The following OPCML variants were observed in gnomAD, a reference collection of about 807,000 sequenced individuals.
OPCML encodes the protein opioid binding protein/cell adhesion molecule like.
OPCML carries 13 observed loss-of-function variants against 37.8 expected under a neutral mutation model. That is an observed-to-expected ratio of 0.34 (90% CI 0.22 to 0.55). The LOEUF (loss-of-function observed/expected upper bound fraction) is 0.55. Among genes scored for constraint, OPCML ranks in the 20% least tolerant of loss-of-function variants. The pLI, the probability that OPCML is intolerant of heterozygous loss-of-function variation, is 0.91. For synonymous variants in OPCML, 176 were observed against 168.8 expected, an observed-to-expected ratio of 1.04 and a Z score of -0.33; for missense variants, 341 against 435.6, an observed-to-expected ratio of 0.78 and a Z score of 1.93.
At chr11:132,998,800 T>G (rs138935892) in intron 1 of OPCML, among the ~76,000 whole-genome samples, 54 of 152,268 alleles carry the variant, frequency 3.5e-4, no homozygotes, top group African/African-American at 1.2e-3. Context: ...AGTGACAAAA[T>G]GCCATCTATG....
Position 133,363,427 on chromosome 11 carries a change from C to A in OPCML, c.61+168837G>T, listed in dbSNP as rs570434954. 5.3e-5 allele frequency among the ~76,000 whole-genome samples: 8 copies of A among 152,294 alleles called. No homozygotes were observed. In the South Asian group the frequency reaches 1.5e-3, roughly 28 times the overall value. Reference sequence around the variant, plus strand: ...AAGCCTACCTTGTTTAGGATAAATTCTCCTTATGTGAGAAAATGGGATCCC... The same window carrying A: ...AAGCCTACCTTGTTTAGGATAAATTATCCTTATGTGAGAAAATGGGATCCC... On this transcript the variant is annotated intron_variant, in intron 1 of 7. Coordinates refer to ENST00000524381, the MANE Select transcript of OPCML (RefSeq NM_001012393.5).
At position 133,426,679 on chromosome 11, in the gene OPCML, A is replaced by G. The variant is rs561859101; in HGVS notation, c.61+105585T>C. On this transcript the variant is annotated intron_variant, in intron 1 of 7. Transcript: ENST00000524381. The stretch of plus-strand genomic sequence containing the variant: ...GCTTAGCAAAGGCTGTCATCAGGAA[A>G]GAAACACAGCGAGAGAGCAGACGCC... 5.9e-5 allele frequency among the ~76,000 whole-genome samples: 9 copies of G among 152,326 alleles called. No homozygotes were observed. The East Asian group carries it at 1.7e-3, about 29-fold the overall frequency.
chr11:132,659,780 T>A (rs904246248), intron 2 of OPCML, among the ~76,000 whole-genome samples: 6 of 152,168 alleles, frequency 3.9e-5, no homozygotes, highest in Non-Finnish European at 5.9e-5. Flanking sequence ...CTCCTGATTA[T>A]CTGCTTTCAA....
intron 1 of OPCML, among the ~76,000 whole-genome samples, chr11:133,150,502 G>A (rs1949963814): frequency 6.6e-6 from 1 of 152,180 alleles, no homozygotes; most frequent in Non-Finnish European, 1.5e-5. Flanking sequence ...TGAGCCCATG[G>A]CTGTTGTTTT....
At chr11:133,010,630 C>T (rs190307382) in intron 1 of OPCML, among the ~76,000 whole-genome samples, 112 of 152,128 alleles carry the variant, frequency 7.4e-4, no homozygotes, top group African/African-American at 2.7e-3. Context: ...TAGCCTTATC[C>T]TTTTTAATAT....
intron 2 of OPCML, among the ~76,000 whole-genome samples, chr11:132,818,819 C>G (rs529690918): frequency 6.7e-6 from 1 of 149,004 alleles, no homozygotes; most frequent in Non-Finnish European, 1.5e-5. Flanking sequence ...GGAGATATAC[C>G]TAATGTTAAA....
At chr11:133,513,865 C>G (rs1268221063) in intron 1 of OPCML, among the ~76,000 whole-genome samples, 1 of 152,126 alleles carries the variant, frequency 6.6e-6, no homozygotes, top group African/African-American at 2.4e-5. Context: ...AGCTGCATTA[C>G]AGAGATTAAG....
Position 133,174,027 on chromosome 11 carries a change from G to A in OPCML, c.62-231017C>T, listed in dbSNP as rs1054362704. 2.0e-5 allele frequency among the ~76,000 whole-genome samples: 3 copies of A among 152,234 alleles called. No homozygotes were observed. The highest frequency in any genetic ancestry group is 2.1e-4 in the South Asian group (1 of 4,830). On this transcript the variant is annotated intron_variant, in intron 1 of 7. Coordinates refer to ENST00000524381, the MANE Select transcript of OPCML (RefSeq NM_001012393.5). The surrounding 1 kb of genome is among the most constrained non-coding windows in gnomAD (Gnocchi z 4.6). ...AGCAACGGATGAGCATGGAGAAACG[G>A]CCTGGCAGGCCCTGCACTGCGGCCA... is the stretch of plus-strand genomic sequence containing the variant.
At chr11:132,942,363 A>G (rs954891187) in intron 2 of OPCML, among the ~76,000 whole-genome samples, 2 of 152,218 alleles carry the variant, frequency 1.3e-5, no homozygotes, top group Non-Finnish European at 2.9e-5. Flanking sequence ...CTGCAAAAAT[A>G]AAACTGCTGT....
At chr11:132,713,801 T>C (rs1465152917) in intron 2 of OPCML, among the ~76,000 whole-genome samples, 1 of 152,254 alleles carries the variant, frequency 6.6e-6, no homozygotes, top group Non-Finnish European at 1.5e-5. Context: ...TGCAGGAAGC[T>C]GCCTGTCAGT....
intron 3 of OPCML, among the ~76,000 whole-genome samples, chr11:132,656,856 A>T (rs886383844): frequency 1.7e-4 from 26 of 152,244 alleles, no homozygotes; most frequent in African/African-American, 5.8e-4. Context: ...TACACAACGT[A>T]TTGATGAGAA....
chr11:133,193,326 C>T (rs192073940), intron 1 of OPCML, among the ~76,000 whole-genome samples: 17 of 152,262 alleles, frequency 1.1e-4, no homozygotes, highest in Admixed American at 2.0e-4. Flanking sequence ...AAGCATCTCC[C>T]GCAAAGAACT....
intron 1 of OPCML, among the ~76,000 whole-genome samples, chr11:133,042,087 T>C (rs1352770549): frequency 6.6e-6 from 1 of 152,048 alleles, no homozygotes; most frequent in African/African-American, 2.4e-5. Flanking sequence ...CACTGACTAA[T>C]CACCACCATT....
At chr11:133,185,438 C>G (rs578218785) in intron 1 of OPCML, among the ~76,000 whole-genome samples, 1 of 152,334 alleles carries the variant, frequency 6.6e-6, no homozygotes, top group South Asian at 2.1e-4. Flanking sequence ...CCGCTGCAGG[C>G]TGCAGCCCAT....
chr11:133,087,328 G>C (rs1254842894), intron 1 of OPCML, among the ~76,000 whole-genome samples: 2 of 152,108 alleles, frequency 1.3e-5, no homozygotes, highest in African/African-American at 4.8e-5. Context: ...TACCTGCCTA[G>C]GTTTGTTAGA....
In OPCML at chr11:132,806,101, A is replaced by G. The variant is rs767388515; in HGVS notation, c.146+136825T>C. The stretch of plus-strand genomic sequence containing the variant: ...AGAGAAACCATATAAAAATTTTAAT[A>G]AAAAGAGTTATAGCTAAGAAGTTAA... On this transcript the variant is annotated intron_variant, in intron 2 of 7. Transcript: ENST00000524381. Among the ~76,000 whole-genome samples, 92 of 152,288 alleles carry G rather than the reference A, an allele frequency of 6.0e-4. 1 individual carries two copies. The highest frequency in any genetic ancestry group is 6.8e-3 in the Middle Eastern group (2 of 294).
chr11:132,978,563 C>A (rs1478719269), intron 1 of OPCML, among the ~76,000 whole-genome samples: 1 of 152,108 alleles, frequency 6.6e-6, no homozygotes, highest in Admixed American at 6.5e-5. Flanking sequence ...CGGGGGTCTG[C>A]AAGGTGTGGC....
intron 1 of OPCML, among the ~76,000 whole-genome samples, chr11:133,383,485 CT>C (rs1944975555): frequency 1.3e-5 from 2 of 152,292 alleles, no homozygotes; most frequent in East Asian, 3.9e-4. Flanking sequence ...ACGAACTCCC[CT>C]CTTACTGTAA....
chr11:133,451,078 A>G (rs1457712422), intron 1 of OPCML, among the ~76,000 whole-genome samples: 1 of 151,538 alleles, frequency 6.6e-6, no homozygotes, highest in African/African-American at 2.4e-5. Context: ...CTAACGGGGG[A>G]AAAGGGAGAC....
Sources: allele counts gnomAD v4.1 joint callset (sites outside exome capture counted in the v4.1 genomes callset), GRCh38; gene constraint gnomAD v4.1.1; non-coding constraint Gnocchi (gnomAD v3.1); transcripts MANE v1.5; gene names NCBI Gene and HGNC (gene_info 2026-07-23, HGNC 2026-07-21).